The following MYO18A variants were observed in gnomAD, a reference collection of about 807,000 sequenced individuals.
MYO18A encodes unconventional myosin-XVIIIa.
A neutral mutation model predicts 235.8 loss-of-function variants in MYO18A; 78 were observed. That is an observed-to-expected ratio of 0.33 (90% CI 0.28 to 0.40). The LOEUF is 0.40. Ranked by LOEUF, MYO18A falls within the 10% of genes least tolerant of loss-of-function variation. The pLI, the probability that MYO18A is intolerant of heterozygous loss-of-function variation, is 1.00. For missense variants in MYO18A, 2,215 were observed against 2,699.3 expected, an observed-to-expected ratio of 0.82 and a Z score of 3.98; for synonymous variants, 977 against 1,077.8, an observed-to-expected ratio of 0.91 and a Z score of 1.83.
intron 2 of MYO18A, among the ~76,000 whole-genome samples, chr17:29,164,530 G>T (rs773591696): frequency 3.3e-5 from 5 of 152,174 alleles, no homozygotes; most frequent in Non-Finnish European, 5.9e-5. Flanking sequence ...GGAGAAAGCT[G>T]GGACCGGGAC....
At chr17:29,174,727 G>T (rs898875015) in intron 1 of MYO18A, among the ~76,000 whole-genome samples, 3 of 151,982 alleles carry the variant, frequency 2.0e-5, no homozygotes, top group Non-Finnish European at 4.4e-5. Context: ...CAGGAGAATC[G>T]CTTGAATCCA....
chr17:29,085,055 AGCAGCCCATGATT>A (rs2066219739), intron 40 of MYO18A, among the ~76,000 whole-genome samples: 1 of 152,230 alleles, frequency 6.6e-6, no homozygotes, highest in Non-Finnish European at 1.5e-5. Flanking sequence ...CGCCACGGCA[AGCAGCCCATGATT>A]AGCTGCCTGA....
intron 1 of MYO18A, among the ~76,000 whole-genome samples, chr17:29,177,636 T>TA (rs778355717): frequency 6.6e-6 from 1 of 152,036 alleles, no homozygotes; most frequent in Admixed American, 6.6e-5. Flanking sequence ...AAGCAGAACT[T>TA]AAACTCCATC....
chr17:29,135,643 C>T (rs541500311), intron 2 of MYO18A, among the ~76,000 whole-genome samples: 3 of 152,252 alleles, frequency 2.0e-5, no homozygotes, highest in South Asian at 4.2e-4. Context: ...GTGAGGACAC[C>T]GGGCCATTTC....
intron 18 of MYO18A, 64 bp downstream of exon 18, chr17:29,110,372 G>A: frequency 6.7e-7 from 1 of 1,495,866 alleles, no homozygotes; most frequent in Non-Finnish European, 9.0e-7. Flanking sequence ...GAGTCCCCAG[G>A]CCTGCCTACC....
chr17:29,131,203 G>A (rs1300133866), intron 2 of MYO18A, among the ~76,000 whole-genome samples: 1 of 152,168 alleles, frequency 6.6e-6, no homozygotes, highest in East Asian at 1.9e-4. Context: ...CTCTTCAGCT[G>A]AGCCACACAG....
chr17:29,136,248 AAAATATAT>A (rs1167437730), intron 2 of MYO18A, among the ~76,000 whole-genome samples: 770 of 74,598 alleles, frequency 0.01, 11 homozygotes, highest in African/African-American at 0.032. Flanking sequence ...AAAAAAAAAA[AAAATATAT>A]ATATATATAT....
At position 29,166,929 on chromosome 17, in the gene MYO18A, T is replaced by C; in HGVS notation, c.12A>G (p.Leu4=). 1.3e-6 allele frequency: 2 copies of C among 1,543,108 alleles called. No homozygotes were observed. Among genetic ancestry groups the C allele is most frequent in the Admixed American group, 2.0e-5 (1 of 50,476 alleles). The change falls in exon 2 of 42, where the codon CTA becomes CTG. Residue 4 remains leucine, a synonymous_variant. Coordinates refer to ENST00000527372, the MANE Select transcript of MYO18A (RefSeq NM_078471.4). Reference sequence around the variant, plus strand: ...CATCTTTGTCCTTGTCTTTCTTCATTAGGTTAAACATGGTGGGGGTGCTGT... The same window carrying C: ...CATCTTTGTCCTTGTCTTTCTTCATCAGGTTAAACATGGTGGGGGTGCTGT... The part of the protein sequence containing the change: MFN[L]MKKDKDKDGG...
Position 29,110,117 on chromosome 17 carries a change from G to A in MYO18A, c.3088-16C>T. Reference sequence around the variant, plus strand: ...TGAGGGCGTCCTGCCGAGGGGAAGAGACTGCCCTCAGTGGGCTCTGATGGC... The same window carrying A: ...TGAGGGCGTCCTGCCGAGGGGAAGAAACTGCCCTCAGTGGGCTCTGATGGC... On this transcript the variant is annotated splice_polypyrimidine_tract_variant and intron_variant, in intron 18 of 41. Transcript: ENST00000527372. 6.2e-7 allele frequency: 1 copy of A among 1,603,506 alleles called. No individual in the cohort carries two copies. The highest frequency in any genetic ancestry group is 1.7e-4 in the Middle Eastern group (1 of 5,986).
Position 29,072,823 on chromosome 17 carries a change from AGAG to A in MYO18A, c.*1944_*1946del, listed in dbSNP as rs2065900180. ...ACAGAATGAGAAGGTAGAAGGTAGAAGAGGAGGAGGGGTGTCATTTGTTTCTTG... is the reference window on the plus strand; with the variant it reads ...ACAGAATGAGAAGGTAGAAGGTAGAAGAGGAGGGGTGTCATTTGTTTCTTG... On this transcript the variant is annotated 3_prime_UTR_variant, in exon 42 of 42. Transcript: ENST00000527372. 6.6e-6 allele frequency: 1 copy of A among 152,222 alleles called. No individual in the cohort carries two copies. The highest frequency in any genetic ancestry group is 2.1e-4 in the South Asian group (1 of 4,834). 9.4% of individuals were successfully genotyped at this position (152,222 alleles called of 1,614,324 possible). A position where few individuals can be genotyped will look rare whatever the true frequency, so the allele number is the denominator to read the frequency against.
intron 2 of MYO18A, among the ~76,000 whole-genome samples, chr17:29,132,022 C>T (rs570366779): frequency 1.8e-4 from 28 of 152,298 alleles, no homozygotes; most frequent in African/African-American, 5.8e-4. Flanking sequence ...GGGGCAGAGG[C>T]GGAGATTCAG....
Position 29,073,102 on chromosome 17 carries a change from A to G in MYO18A, c.*1668T>C, listed in dbSNP as rs541367456. On this transcript the variant is annotated 3_prime_UTR_variant, in exon 42 of 42. Transcript: ENST00000527372. ...AAGAGAATGAAAGAAAGAAAGAGAG[A>G]GAGAGAGGGAGAGAGGGAGGGACGG... 1 of 150,818 alleles carries G rather than the reference A, an allele frequency of 6.6e-6. No individual in the cohort carries two copies. The highest frequency in any genetic ancestry group is 2.0e-4 in the East Asian group (1 of 4,984). The allele number at this position is 150,818 out of a possible 1,614,324, so 9.3% of individuals were successfully genotyped here.
rs570263524 is a variant in MYO18A, at chr17:29,093,395, C to A, written c.4854G>T (p.Glu1618Asp). Reference protein sequence around the residue: ...LKQMEVQLEEEYEDKQKVLRE... With the variant: ...LKQMEVQLEEDYEDKQKVLRE... Reference sequence around the variant, plus strand: ...GCAGAACCTTCTGCTTGTCCTCATACTCTTCCTCTAGCTGCACCTCCATCT... The same window carrying A: ...GCAGAACCTTCTGCTTGTCCTCATAATCTTCCTCTAGCTGCACCTCCATCT... Residue 1618 changes from glutamate (E) to aspartate (D), a missense_variant, in exon 32 of 42, where the codon GAG becomes GAT. Transcript: ENST00000527372. 1 of 1,612,280 alleles carries A rather than the reference C, an allele frequency of 6.2e-7. No individual in the cohort carries two copies. Among genetic ancestry groups the A allele is most frequent in the South Asian group, 1.1e-5 (1 of 91,066 alleles).
At chr17:29,150,971 AAGG>A (rs1462786551) in intron 2 of MYO18A, among the ~76,000 whole-genome samples, 6 of 152,188 alleles carry the variant, frequency 3.9e-5, no homozygotes, top group Non-Finnish European at 7.3e-5. Flanking sequence ...AGGAGGAAGA[AAGG>A]AGGAGAGAGG....
Position 29,140,525 on chromosome 17 carries a change from A to C in MYO18A, c.1000-18272T>G. The stretch of plus-strand genomic sequence containing the variant: ...AGCAGCCCGGAGGACTTCGGGTATC[A>C]GGTATGCCAGGAGGGAGAGGGTGAT... On this transcript the variant is annotated intron_variant, in intron 2 of 41. Coordinates refer to ENST00000527372, the MANE Select transcript of MYO18A (RefSeq NM_078471.4). The surrounding 1 kb of genome is among the most constrained non-coding windows in gnomAD (Gnocchi z 4.2). The C allele has an allele frequency of 1.4e-6, 1 of 721,732 alleles. No individual in the cohort carries two copies. Among genetic ancestry groups the C allele is most frequent in the South Asian group, 1.9e-5 (1 of 51,664 alleles). The allele number at this position is 721,732 out of a possible 1,614,324, so 44.7% of individuals were successfully genotyped here.
chr17:29,093,902 AG>A lies in MYO18A; in HGVS notation c.4821+77del, dbSNP rs1425767407. On this transcript the variant is annotated intron_variant, in intron 31 of 41. Transcript: ENST00000527372. The stretch of plus-strand genomic sequence containing the variant: ...GGAAGACGATGTGGCTGAGGTAGGG[AG>A]GTGGAAAGCCCCTTACTTTAAAGCG... 8 of 1,001,928 alleles carry A rather than the reference AG, an allele frequency of 8.0e-6. No individual in the cohort carries two copies. The Admixed American group carries it at 1.7e-4, about 21-fold the overall frequency. The allele number at this position is 1,001,928 out of a possible 1,614,324, so 62.1% of individuals were successfully genotyped here.
At chr17:29,114,755 C>T (rs770202652) in intron 14 of MYO18A, among the ~76,000 whole-genome samples, 152 bp downstream of exon 14, 3 of 152,196 alleles carry the variant, frequency 2.0e-5, no homozygotes, top group Admixed American at 6.5e-5. Flanking sequence ...CCAGAGGCCA[C>T]GGACAAGGGG....
At chr17:29,153,672 TCTC>T (rs2068003264) in intron 2 of MYO18A, among the ~76,000 whole-genome samples, 1 of 152,100 alleles carries the variant, frequency 6.6e-6, no homozygotes, top group Admixed American at 6.5e-5. Flanking sequence ...CCTCTCTCTC[TCTC>T]CTCCTCTCTT....
At position 29,074,239 on chromosome 17, in the gene MYO18A, C is replaced by A. The variant is rs185621567; in HGVS notation, c.*531G>T. On this transcript the variant is annotated 3_prime_UTR_variant, in exon 42 of 42. Transcript: ENST00000527372. This position sits in a 1 kb window ranked among gnomAD's most constrained non-coding sequence, Gnocchi z 4.4. Reference sequence around the variant, plus strand: ...TGGGAGCCCCAGCTACCACTACAGCCCCCTCCCACTCTCAGGGATGCAGCT... The same window carrying A: ...TGGGAGCCCCAGCTACCACTACAGCACCCTCCCACTCTCAGGGATGCAGCT... 62 of 1,527,958 alleles carry A rather than the reference C, an allele frequency of 4.1e-5. No individual in the cohort carries two copies. In the East Asian group the frequency reaches 1.4e-3, roughly 34 times the overall value. 94.7% of individuals were successfully genotyped at this position (1,527,958 alleles called of 1,614,324 possible).
Sources: gnomAD v4.1 joint callset for allele counts (sites outside exome capture counted in the v4.1 genomes callset) on GRCh38, gnomAD v4.1.1 for gene constraint, Gnocchi (gnomAD v3.1) non-coding constraint, MANE v1.5 for transcripts, NCBI Gene and HGNC (gene_info 2026-07-23, HGNC 2026-07-21) for gene names.